The following SLC9C2 variants were observed in gnomAD, a reference collection of about 807,000 sequenced individuals.
The protein encoded by SLC9C2 is sodium/hydrogen exchanger 11.
In SLC9C2, 75 loss-of-function variants were observed where a neutral mutation model predicts 140.2. The ratio of observed to expected loss-of-function variants is 0.53; its 90% CI spans 0.44 to 0.65. The LOEUF (loss-of-function observed/expected upper bound fraction) is 0.65. Among genes scored for constraint, SLC9C2 ranks in the 30% least tolerant of loss-of-function variants. The pLI is 0.00. For synonymous variants in SLC9C2, 375 were observed against 420.9 expected (o/e 0.89, Z 1.34); for missense variants, 1,074 against 1,331.8 (o/e 0.81, Z 3.01).
chr1:173,576,283 T>C (rs1665174201), intron 8 of SLC9C2, among the ~76,000 whole-genome samples: 1 of 152,136 alleles, frequency 6.6e-6, no homozygotes, highest in Non-Finnish European at 1.5e-5. Flanking sequence ...TTATTGATGT[T>C]ACATGTTACA....
chr1:173,505,038 A>G (rs1380920787), intron 26 of SLC9C2, among the ~76,000 whole-genome samples: 1 of 152,202 alleles, frequency 6.6e-6, no homozygotes, highest in East Asian at 1.9e-4. Context: ...GACATGGCAG[A>G]GGAAGGAGCC....
At chr1:173,601,885 C>A in intron 1 of SLC9C2, 30 bp from the exon 2 acceptor site, 1 of 1,334,218 alleles carries the variant, frequency 7.5e-7, no homozygotes, top group South Asian at 1.4e-5. Flanking sequence ...AACATGAGAC[C>A]TACCAAGATC....
Position 173,515,453 on chromosome 1 carries a change from C to T in SLC9C2, c.2907+2084G>A, listed in dbSNP as rs936680701. ...CCTTTCTTCCACTTGATAGATTCAGCTATTGATCCTTGTGCATGCTTCATG... is the reference window on the plus strand; with the variant it reads ...CCTTTCTTCCACTTGATAGATTCAGTTATTGATCCTTGTGCATGCTTCATG... On this transcript the variant is annotated intron_variant, in intron 23 of 27. Transcript: ENST00000367714. Among the ~76,000 whole-genome samples the T allele has an allele frequency of 6.6e-5, 10 of 152,276 alleles. 2 individuals are homozygous for T. Among genetic ancestry groups the T allele is most frequent in the Admixed American group, 6.5e-4 (10 of 15,290 alleles).
intron 15 of SLC9C2, 106 bp downstream of exon 15, chr1:173,535,724 A>G: frequency 3.8e-6 from 5 of 1,303,142 alleles, no homozygotes; most frequent in Admixed American, 5.9e-5. Context: ...AAAATAAACC[A>G]TAATATAGTT....
At chr1:173,538,947 CT>C (rs1277104226) in intron 13 of SLC9C2, among the ~76,000 whole-genome samples, 4 of 151,950 alleles carry the variant, frequency 2.6e-5, no homozygotes, top group African/African-American at 9.7e-5. Context: ...ACCCCAATCC[CT>C]GAAAAACTAT....
At position 173,501,039 on chromosome 1, in the gene SLC9C2, C is replaced by T. The variant is rs1659228976; in HGVS notation, c.*55G>A. 1 of 1,461,230 alleles carries T rather than the reference C, an allele frequency of 6.8e-7. No homozygotes were observed. The highest frequency in any genetic ancestry group is 9.0e-7 in the Non-Finnish European group (1 of 1,105,572). 90.5% of individuals were successfully genotyped at this position (1,461,230 alleles called of 1,614,324 possible). ...GAAAGTAGTTTGGTCTTTAACCTGA[C>T]TCCACACATCATATTTGTATCATTA... is the stretch of plus-strand genomic sequence containing the variant. On this transcript the variant is annotated 3_prime_UTR_variant, in exon 28 of 28. Coordinates refer to ENST00000367714, the MANE Select transcript of SLC9C2 (RefSeq NM_178527.4).
chr1:173,576,427 TA>T (rs1665182698), intron 8 of SLC9C2, among the ~76,000 whole-genome samples: 1 of 152,156 alleles, frequency 6.6e-6, no homozygotes, highest in Non-Finnish European at 1.5e-5. Context: ...AGGTTACATA[TA>T]AAAAACACCA....
intron 13 of SLC9C2, among the ~76,000 whole-genome samples, chr1:173,540,598 C>CAGTA (rs1265231316): frequency 6.6e-6 from 1 of 152,164 alleles, no homozygotes; most frequent in Non-Finnish European, 1.5e-5. Flanking sequence ...TATCAAAAGG[C>CAGTA]AGTACCACTG....
chr1:173,522,935 T>TAG (rs1660929702), intron 21 of SLC9C2, among the ~76,000 whole-genome samples: 1 of 152,226 alleles, frequency 6.6e-6, no homozygotes, highest in Non-Finnish European at 1.5e-5. Context: ...GTCACCTTAT[T>TAG]AGAGCAGCCT....
At chr1:173,520,845 C>A (rs985053764) in intron 22 of SLC9C2, among the ~76,000 whole-genome samples, 2 of 152,180 alleles carry the variant, frequency 1.3e-5, no homozygotes, top group East Asian at 3.8e-4. Context: ...ATGAAACCAG[C>A]TACTAAACTA....
intron 9 of SLC9C2, among the ~76,000 whole-genome samples, chr1:173,572,405 CTTGCG>C (rs1404810943): frequency 2.3e-5 from 3 of 129,450 alleles, no homozygotes; most frequent in Non-Finnish European, 4.6e-5. Flanking sequence ...CATGCAGTGC[CTTGCG>C]TTAGCAGACT....
intron 17 of SLC9C2, among the ~76,000 whole-genome samples, chr1:173,533,255 T>TTTA (rs1661713681): frequency 6.6e-6 from 1 of 152,190 alleles, no homozygotes; most frequent in African/African-American, 2.4e-5. Flanking sequence ...AATACTTTAT[T>TTTA]TTATTATTAT....
rs558472535 is a variant in SLC9C2 at position 173,585,783 on chromosome 1, A to G, written c.523+1882T>C. On this transcript the variant is annotated intron_variant, in intron 5 of 27. Coordinates refer to ENST00000367714, the MANE Select transcript of SLC9C2 (RefSeq NM_178527.4). ...GGAGTTCGAGATCAGCCTGGCCAAC[A>G]TGGCAAAACCCCCTCTCTACTAAAA... Among the ~76,000 whole-genome samples, 15 of 152,224 alleles carry G rather than the reference A, an allele frequency of 9.9e-5. No individual in the cohort carries two copies. The South Asian group carries it at 3.1e-3, about 32-fold the overall frequency.
chr1:173,550,099 C>T (rs368401453), intron 11 of SLC9C2, among the ~76,000 whole-genome samples: 79 of 152,302 alleles, frequency 5.2e-4, no homozygotes, highest in Middle Eastern at 3.4e-3. Context: ...CACCTTTTCA[C>T]TGCAAACAAG....
At chr1:173,526,526 A>G (rs1661210716) in intron 19 of SLC9C2, 137 bp downstream of exon 19, 1 of 771,178 alleles carries the variant, frequency 1.3e-6, no homozygotes, top group Non-Finnish European at 2.2e-6. Context: ...TACCTGGCCC[A>G]TTAGCTGTGT....
intron 10 of SLC9C2, chr1:173,555,408 T>G (rs1055568922): frequency 1.3e-5 from 2 of 152,264 alleles, no homozygotes; most frequent in African/African-American, 2.4e-5. Context: ...ACAGCATCCT[T>G]CACTGAAAAG....
At position 173,601,674 on chromosome 1, in the gene SLC9C2, C is replaced by T; in HGVS notation, c.103G>A (p.Val35Ile). The T allele has an allele frequency of 6.2e-7, 1 of 1,614,008 alleles. No homozygotes were observed. Among genetic ancestry groups the T allele is most frequent in the African/African-American group, 1.3e-5 (1 of 75,048 alleles). ...CCTCCCAAAACAACAATGAAGCATA[C>T]AAGCGTTGTGAAATGTTTCTCTTCA... ...LVEEKHFTTL[V>I]CFIVVLGGLL... Residue 35 changes from valine to isoleucine, a missense_variant, in exon 2 of 28, where the codon GTA becomes ATA. Coordinates refer to ENST00000367714, the MANE Select transcript of SLC9C2 (RefSeq NM_178527.4).
intron 18 of SLC9C2, among the ~76,000 whole-genome samples, chr1:173,528,031 T>C (rs1661329944): frequency 6.6e-6 from 1 of 152,166 alleles, no homozygotes; most frequent in Non-Finnish European, 1.5e-5. Flanking sequence ...AGAAAGCAGC[T>C]AGGCCCCCTT....
intron 26 of SLC9C2, among the ~76,000 whole-genome samples, chr1:173,504,106 C>T (rs1659467379): frequency 1.3e-5 from 2 of 152,104 alleles, no homozygotes; most frequent in African/African-American, 2.4e-5. Context: ...AGCAGCAGAG[C>T]GGCAGACCTT....
Sources: gnomAD v4.1 joint callset for allele counts (sites outside exome capture counted in the v4.1 genomes callset) on GRCh38, gnomAD v4.1.1 for gene constraint, MANE v1.5 for transcripts, NCBI Gene and HGNC (gene_info 2026-07-23, HGNC 2026-07-21) for gene names.